Variants in AGBL1 observed in about 807,000 individuals in gnomAD.
The protein encoded by AGBL1 is AGBL carboxypeptidase 1, also known as cytosolic carboxypeptidase 4.
A neutral mutation model predicts 118.9 loss-of-function variants in AGBL1; 130 were observed. That is an observed-to-expected ratio of 1.09 (90% confidence interval 0.95 to 1.26). The LOEUF is 1.26. AGBL1 is among the 50% of genes most tolerant of loss of function. The pLI is 0.00. For missense variants in AGBL1, 1,584 were observed against 1,298.1 expected (o/e 1.22, Z -3.38); for synonymous variants, 555 against 478.9 (o/e 1.16, Z -2.08).
At chr15:86,456,610 T>C (rs1287697819) in intron 18 of AGBL1, among the ~76,000 whole-genome samples, 3 of 152,192 alleles carry the variant, frequency 2.0e-5, no homozygotes, top group Non-Finnish European at 4.4e-5. Flanking sequence ...GATCTCACAT[T>C]TGGGGCAATA....
intron 17 of AGBL1, among the ~76,000 whole-genome samples, chr15:86,332,762 C>T (rs1296420609): frequency 3.3e-5 from 5 of 151,958 alleles, no homozygotes; most frequent in Non-Finnish European, 7.4e-5. Flanking sequence ...TTATTCTCAT[C>T]TGCACACAGA....
chr15:86,351,150 G>C (rs1442922412), intron 17 of AGBL1, among the ~76,000 whole-genome samples: 1 of 152,104 alleles, frequency 6.6e-6, no homozygotes, highest in African/African-American at 2.4e-5. Flanking sequence ...TCTGGAGGCT[G>C]GGAAGTCCAA....
In AGBL1 at chr15:86,410,674, T is replaced by C. The variant is rs563137872; in HGVS notation, c.2555+13128T>C. ...GGTAGGGCATCTATGTTCTTCTCAATGGTAGGGCCAAACAGTCTTAATAAT... is the reference window on the plus strand; with the variant it reads ...GGTAGGGCATCTATGTTCTTCTCAACGGTAGGGCCAAACAGTCTTAATAAT... On this transcript the variant is annotated intron_variant, in intron 18 of 22. Coordinates refer to ENST00000614907, the MANE Select transcript of AGBL1 (RefSeq NM_001386094.1). 1.3e-4 allele frequency among the ~76,000 whole-genome samples: 19 copies of C among 150,456 alleles called. No homozygotes were observed. In the South Asian group the frequency reaches 4.0e-3, roughly 32 times the overall value.
intron 1 of AGBL1, among the ~76,000 whole-genome samples, chr15:86,115,740 T>C (rs1242971233): frequency 1.3e-5 from 2 of 152,184 alleles, no homozygotes; most frequent in Admixed American, 1.3e-4. Context: ...CTGTGTACTT[T>C]CCTAGGGCAT....
chr15:86,994,491 T>A (rs1234387933), intron 24 of AGBL1, among the ~76,000 whole-genome samples: 1 of 152,028 alleles, frequency 6.6e-6, no homozygotes, highest in African/African-American at 2.4e-5. Flanking sequence ...ACCATACCAC[T>A]CTCCCTCAAG....
intron 18 of AGBL1, among the ~76,000 whole-genome samples, chr15:86,484,131 G>A (rs556595950): frequency 6.6e-6 from 1 of 152,100 alleles, no homozygotes; most frequent in Non-Finnish European, 1.5e-5. Context: ...GCAACATCTG[G>A]CTTGAGCAGC....
At chr15:86,700,291 C>G (rs1395184028) in intron 22 of AGBL1, among the ~76,000 whole-genome samples, 5 of 151,958 alleles carry the variant, frequency 3.3e-5, no homozygotes, top group African/African-American at 1.2e-4. Context: ...ATGTCTCCAT[C>G]ATTCTCTGAG....
At chr15:86,584,197 C>T (rs1427645123) in intron 21 of AGBL1, among the ~76,000 whole-genome samples, 2 of 152,000 alleles carry the variant, frequency 1.3e-5, no homozygotes, top group East Asian at 3.9e-4. Context: ...AATTAGGTCC[C>T]ATTTGTCAGT....
intron 5 of AGBL1, among the ~76,000 whole-genome samples, chr15:86,189,431 C>A (rs1597516073): frequency 6.6e-6 from 1 of 152,212 alleles, no homozygotes; most frequent in East Asian, 1.9e-4. Flanking sequence ...ATATTTGACC[C>A]CTCGAAATCT....
At chr15:87,023,144 G>C (rs981083992) in intron 24 of AGBL1, among the ~76,000 whole-genome samples, 42 of 151,996 alleles carry the variant, frequency 2.8e-4, no homozygotes, top group African/African-American at 9.7e-4. Flanking sequence ...TATTAACATT[G>C]AAGGTAAATT....
At chr15:86,886,258 A>C (rs903683962) in intron 22 of AGBL1, among the ~76,000 whole-genome samples, 39 of 152,278 alleles carry the variant, frequency 2.6e-4, no homozygotes, top group African/African-American at 9.4e-4. Context: ...TGGCAAGTGT[A>C]CTAAAATCAT....
At chr15:86,877,612 C>G (rs2079828630) in intron 22 of AGBL1, among the ~76,000 whole-genome samples, 1 of 152,146 alleles carries the variant, frequency 6.6e-6, no homozygotes, top group African/African-American at 2.4e-5. Flanking sequence ...TCTCCAAGTC[C>G]AGTTAGAACT....
At chr15:86,558,366 CA>C (rs372279591) in intron 21 of AGBL1, among the ~76,000 whole-genome samples, 1 of 152,134 alleles carries the variant, frequency 6.6e-6, no homozygotes, top group African/African-American at 2.4e-5. Context: ...TGTGGGAAAA[CA>C]AAAGCCTTAT....
intron 1 of AGBL1, among the ~76,000 whole-genome samples, chr15:86,127,809 C>G (rs548937548): frequency 6.6e-6 from 1 of 152,222 alleles, no homozygotes; most frequent in South Asian, 2.1e-4. Flanking sequence ...GAGAGGTCCT[C>G]TGTATTTTTT....
chr15:86,859,411 C>T (rs2095128670), intron 22 of AGBL1, among the ~76,000 whole-genome samples: 1 of 152,176 alleles, frequency 6.6e-6, no homozygotes, highest in Non-Finnish European at 1.5e-5. Flanking sequence ...GAAAACTCCT[C>T]TTTTAATAAA....
intron 22 of AGBL1, among the ~76,000 whole-genome samples, chr15:86,782,192 C>T (rs2141310625): frequency 6.6e-6 from 1 of 152,222 alleles, no homozygotes; most frequent in African/African-American, 2.4e-5. Flanking sequence ...AGAGCCTTAA[C>T]TCTCAAAGGG....
chr15:86,883,344 C>G (rs1228686399), intron 22 of AGBL1, among the ~76,000 whole-genome samples: 1 of 152,050 alleles, frequency 6.6e-6, no homozygotes, highest in Non-Finnish European at 1.5e-5. Flanking sequence ...AGCTTCAAGT[C>G]CCACCAGAAT....
At chr15:86,728,590 C>T (rs868700692) in intron 22 of AGBL1, among the ~76,000 whole-genome samples, 7 of 152,192 alleles carry the variant, frequency 4.6e-5, no homozygotes, top group Middle Eastern at 3.4e-3. Context: ...AAAACCTTGC[C>T]TTTATTTAGA....
intron 22 of AGBL1, among the ~76,000 whole-genome samples, chr15:86,875,035 C>T (rs2079787267): frequency 6.6e-6 from 1 of 152,064 alleles, no homozygotes; most frequent in Non-Finnish European, 1.5e-5. Context: ...ACAAAGAGAT[C>T]ATAACCAGGA....
Sources: allele counts gnomAD v4.1 joint callset (sites outside exome capture counted in the v4.1 genomes callset), GRCh38; gene constraint gnomAD v4.1.1; transcripts MANE v1.5; gene names NCBI Gene and HGNC (gene_info 2026-07-23, HGNC 2026-07-21).